The following CLIC5 variants were observed in gnomAD, a reference collection of about 807,000 sequenced individuals.
The protein encoded by CLIC5 is CLIC family member 5.
A neutral mutation model predicts 24.7 loss-of-function variants in CLIC5; 20 were observed. The ratio of observed to expected loss-of-function variants is 0.81; its 90% CI spans 0.57 to 1.18. The LOEUF (loss-of-function observed/expected upper bound fraction) is 1.18, where lower values mean the gene tolerates loss of function less well. Among genes scored for constraint, CLIC5 ranks in the 50% most tolerant of loss-of-function variants. The pLI, the probability that CLIC5 is intolerant of heterozygous loss-of-function variation, is 0.00. For synonymous variants in CLIC5, 159 were observed against 135.6 expected (o/e 1.17, Z -1.20); for missense variants, 341 against 326.1 (o/e 1.05, Z -0.35).
chr6:45,912,222 T>C, intron 5 of CLIC5: 8 of 987,640 alleles, frequency 8.1e-6, no homozygotes, highest in Non-Finnish European at 9.6e-6. Context: ...TTTGCCAGGT[T>C]TCTGGGATCT....
intron 1 of CLIC5, among the ~76,000 whole-genome samples, chr6:45,983,818 C>A (rs1765643725): frequency 6.6e-6 from 1 of 152,198 alleles, no homozygotes; most frequent in Non-Finnish European, 1.5e-5. Flanking sequence ...ACCCTTCTCC[C>A]ATTTAAATTA....
intron 1 of CLIC5, among the ~76,000 whole-genome samples, chr6:46,036,255 T>G (rs1254065321): frequency 1.3e-5 from 2 of 152,110 alleles, no homozygotes; most frequent in Admixed American, 1.3e-4. Flanking sequence ...TGTGTTTTAT[T>G]ATTAGTTTTC....
chr6:45,951,978 C>T (rs1764485918), intron 2 of CLIC5, among the ~76,000 whole-genome samples: 1 of 152,134 alleles, frequency 6.6e-6, no homozygotes, highest in African/African-American at 2.4e-5. Flanking sequence ...TACTTAGTCC[C>T]TTTATTTACT....
chr6:46,064,476 A>T (rs1762387192), intron 1 of CLIC5, among the ~76,000 whole-genome samples: 1 of 152,192 alleles, frequency 6.6e-6, no homozygotes, highest in Non-Finnish European at 1.5e-5. Flanking sequence ...AATACACCTG[A>T]ATATTTCTCA....
chr6:46,068,483 T>C (rs759671694), intron 1 of CLIC5, among the ~76,000 whole-genome samples: 5 of 152,050 alleles, frequency 3.3e-5, no homozygotes, highest in Non-Finnish European at 5.9e-5. Flanking sequence ...GGACCAAGTA[T>C]ATGAGAATGG....
At chr6:45,891,293 A>C (rs1581704022) in intron 6 of CLIC5, among the ~76,000 whole-genome samples, 1 of 152,216 alleles carries the variant, frequency 6.6e-6, no homozygotes, top group Non-Finnish European at 1.5e-5. Flanking sequence ...TTATAAAATA[A>C]ATAAGATGTA....
In CLIC5 at chr6:46,006,865, C is replaced by T. The variant is rs529220023; in HGVS notation, c.63+8615G>A. Among the ~76,000 whole-genome samples, 147 of 151,920 alleles carry T rather than the reference C, an allele frequency of 9.7e-4. 2 individuals are homozygous for T. The highest frequency in any genetic ancestry group is 8.4e-3 in the Admixed American group (129 of 15,270). On this transcript the variant is annotated intron_variant, in intron 1 of 5. Coordinates refer to ENST00000339561, the MANE Select transcript of CLIC5 (RefSeq NM_016929.5). The stretch of plus-strand genomic sequence containing the variant: ...TAATTTTTTTGTATTTTGCTAGAGA[C>T]GGCGTTTCACCATGTTGGCCAGGAT...
intron 1 of CLIC5, among the ~76,000 whole-genome samples, chr6:46,049,795 G>A (rs551488326): frequency 2.6e-5 from 4 of 152,316 alleles, no homozygotes; most frequent in South Asian, 2.1e-4. Flanking sequence ...CAGAAAGCTC[G>A]AGACATAGCA....
chr6:45,936,196 CTTT>C (rs60969238), intron 4 of CLIC5, among the ~76,000 whole-genome samples: 447 of 80,258 alleles, frequency 5.6e-3, no homozygotes, highest in African/African-American at 0.021. Flanking sequence ...CAACGGCTGA[CTTT>C]TTTTTTTTTT....
At chr6:45,911,481 G>C in intron 5 of CLIC5, 2 of 491,302 alleles carry the variant, frequency 4.1e-6, no homozygotes, top group Non-Finnish European at 5.3e-6. Flanking sequence ...TCTTGGCTAA[G>C]AGCAAATTCA....
chr6:46,078,783 A>T (rs1762842965), intron 1 of CLIC5, among the ~76,000 whole-genome samples: 1 of 152,210 alleles, frequency 6.6e-6, no homozygotes, highest in South Asian at 2.1e-4. Flanking sequence ...ACAATTAGAG[A>T]AAAGAACAAA....
At chr6:46,095,817 A>G in the CLIC5 span, among the ~76,000 whole-genome samples, 3 of 152,038 alleles carry the variant, frequency 2.0e-5, no homozygotes, top group African/African-American at 7.3e-5. Flanking sequence ...CCATATTTTC[A>G]GATATCTTTA....
intron 6 of CLIC5, among the ~76,000 whole-genome samples, chr6:45,888,441 A>G (rs896527370): frequency 6.6e-6 from 1 of 152,238 alleles, no homozygotes; most frequent in African/African-American, 2.4e-5. Flanking sequence ...CACCTGGGGA[A>G]AAAATTCATG....
intron 4 of CLIC5, 141 bp downstream of exon 4, chr6:45,941,406 G>GC (rs1764125462): frequency 1.5e-6 from 1 of 685,018 alleles, no homozygotes; most frequent in East Asian, 2.6e-5. Context: ...TGGTGGCGGG[G>GC]GGTGGGGGCA....
the CLIC5 span, among the ~76,000 whole-genome samples, chr6:46,108,401 T>TGAGAGAGAGAGA: frequency 7.1e-6 from 1 of 141,672 alleles, no homozygotes; most frequent in Non-Finnish European, 1.5e-5. Flanking sequence ...TGTGTGTGTG[T>TGAGAGAGAGAGA]GAGAGAGAGA....
chr6:46,027,887 T>C (rs1337713586), intron 1 of CLIC5, among the ~76,000 whole-genome samples: 1 of 152,204 alleles, frequency 6.6e-6, no homozygotes, highest in African/African-American at 2.4e-5. Context: ...TTTAAAAAAA[T>C]TGCATTGAAG....
chr6:46,051,075 C>G (rs1359066781), intron 1 of CLIC5, among the ~76,000 whole-genome samples: 1 of 152,108 alleles, frequency 6.6e-6, no homozygotes, highest in African/African-American at 2.4e-5. Context: ...AACAGTGGCC[C>G]CCATCTCTGA....
At chr6:45,997,863 A>G (rs756910000) in intron 1 of CLIC5, among the ~76,000 whole-genome samples, 8 of 152,234 alleles carry the variant, frequency 5.3e-5, no homozygotes, top group Non-Finnish European at 1.0e-4. Context: ...GCCAGAGACT[A>G]TAAGTAGGTT....
At chr6:45,912,701 G>A in intron 5 of CLIC5, 1 of 1,535,414 alleles carries the variant, frequency 6.5e-7, no homozygotes, top group South Asian at 1.2e-5. Flanking sequence ...CAGTGTGACT[G>A]AGCTGGAATT....
Sources: allele counts gnomAD v4.1 joint callset (sites outside exome capture counted in the v4.1 genomes callset), GRCh38; gene constraint gnomAD v4.1.1; transcripts MANE v1.5; gene names NCBI Gene and HGNC (gene_info 2026-07-23, HGNC 2026-07-21).